Variants in BTBD1 observed in about 807,000 individuals in gnomAD.
The protein encoded by BTBD1 is BTB/POZ domain-containing protein 1.
Under a neutral mutation model 48.0 loss-of-function variants are expected in BTBD1, and 34 were observed. That is an observed-to-expected ratio of 0.71 (90% CI 0.54 to 0.94). BTBD1 has a LOEUF of 0.94. Among genes scored for constraint, BTBD1 ranks in the 40% least tolerant of loss-of-function variants. BTBD1 has a pLI of 0.00. For synonymous variants in BTBD1, 261 were observed against 242.1 expected, an observed-to-expected ratio of 1.08 and a Z score of -0.72; for missense variants, 543 against 625.6, an observed-to-expected ratio of 0.87 and a Z score of 1.41.
intron 3 of BTBD1, among the ~76,000 whole-genome samples, chr15:83,048,232 T>C (rs1336003148): frequency 6.6e-6 from 1 of 152,146 alleles, no homozygotes; most frequent in African/African-American, 2.4e-5. Flanking sequence ...GGTGGTGTTG[T>C]TAAGGAAGAC....
intron 4 of BTBD1, among the ~76,000 whole-genome samples, chr15:83,032,321 C>CAA (rs556487520): frequency 7.6e-6 from 1 of 130,764 alleles, no homozygotes; most frequent in Non-Finnish European, 1.7e-5. Flanking sequence ...ACTCTGTCTC[C>CAA]AAAAAAAAAA....
intron 3 of BTBD1, 27 bp from the exon 4 acceptor site, chr15:83,041,952 A>C: frequency 6.3e-7 from 1 of 1,599,658 alleles, no homozygotes; most frequent in Non-Finnish European, 8.6e-7. Context: ...AAATAAACCC[A>C]ATTAGAAATA....
intron 3 of BTBD1, among the ~76,000 whole-genome samples, chr15:83,045,041 C>G (rs928753392): frequency 2.0e-5 from 3 of 151,972 alleles, no homozygotes; most frequent in Non-Finnish European, 4.4e-5. Flanking sequence ...TCTAAAGAAC[C>G]TAGATAAAAC....
chr15:83,050,692 C>A (rs901819047), intron 2 of BTBD1, among the ~76,000 whole-genome samples: 3 of 152,040 alleles, frequency 2.0e-5, no homozygotes, highest in Admixed American at 2.0e-4. Context: ...ATTTTCTCTT[C>A]CATTGCCTGT....
rs1263604819 is a variant in BTBD1, at chr15:83,016,917, ATACCT to A, written c.*1145_*1149del. The A allele has an allele frequency of 6.6e-6, 1 of 152,316 alleles. No individual in the cohort carries two copies. The highest frequency in any genetic ancestry group is 1.5e-5 in the Non-Finnish European group (1 of 68,046). The allele number at this position is 152,316 out of a possible 1,614,324, so 9.4% of individuals were successfully genotyped here. On this transcript the variant is annotated 3_prime_UTR_variant, in exon 8 of 8. Transcript: ENST00000261721. ...TAATCACCTTCCACAACGATTTGAT[ATACCT>A]TAAACTCCACTTTCATTTTTTATAA...
intron 4 of BTBD1, among the ~76,000 whole-genome samples, chr15:83,037,601 T>C (rs757921059): frequency 8.5e-5 from 13 of 152,152 alleles, no homozygotes; most frequent in Non-Finnish European, 1.6e-4. Flanking sequence ...GGGCAAAAGC[T>C]AGAGGCATTC....
At position 83,020,693 on chromosome 15, in the gene BTBD1, A is replaced by T; in HGVS notation, c.1125T>A (p.Asp375Glu). 6.3e-7 allele frequency: 1 copy of T among 1,597,952 alleles called. No individual in the cohort carries two copies. Among genetic ancestry groups the T allele is most frequent in the Middle Eastern group, 1.7e-4 (1 of 6,028 alleles). Reference protein sequence around the residue: ...GLYGSIHGPTDYQVNIQIIEY... With the variant: ...GLYGSIHGPTEYQVNIQIIEY... ...ACTGTACCTGTATATTCACTTGATA[A>T]TCTGTAGGGCCATGAATAGATCCAT... The change falls in exon 6 of 8, where the codon GAT becomes GAA. Residue 375 changes from aspartate to glutamate, a missense_variant. Transcript: ENST00000261721.
chr15:83,025,908 T>C (rs2032396726), intron 5 of BTBD1, among the ~76,000 whole-genome samples: 1 of 152,124 alleles, frequency 6.6e-6, no homozygotes, highest in Admixed American at 6.5e-5. Flanking sequence ...TAGCTGGGAC[T>C]ACAGGTGCCC....
At chr15:83,049,925 A>C in intron 3 of BTBD1, 148 bp downstream of exon 3, 1 of 502,630 alleles carries the variant, frequency 2.0e-6, no homozygotes. Flanking sequence ...AAATATTTTC[A>C]CCAAAACAAA....
intron 1 of BTBD1, 110 bp from the exon 2 acceptor site, chr15:83,056,655 T>C: frequency 1.0e-6 from 1 of 957,214 alleles, no homozygotes; most frequent in South Asian, 1.7e-5. Flanking sequence ...TTTTATGTTT[T>C]CATCCATCCA....
intron 4 of BTBD1, among the ~76,000 whole-genome samples, chr15:83,032,304 C>A (rs1413333639): frequency 6.6e-6 from 1 of 151,508 alleles, no homozygotes; most frequent in African/African-American, 2.4e-5. Context: ...CTGGGCAACA[C>A]AGCGAGACTC....
intron 1 of BTBD1, among the ~76,000 whole-genome samples, chr15:83,057,174 A>G (rs962700167): frequency 6.6e-6 from 1 of 152,194 alleles, no homozygotes; most frequent in African/African-American, 2.4e-5. Flanking sequence ...CCTGCATTTT[A>G]ATAAGAAAAC....
intron 5 of BTBD1, among the ~76,000 whole-genome samples, chr15:83,025,796 G>A (rs182647852): frequency 9.2e-5 from 14 of 151,636 alleles, no homozygotes; most frequent in Admixed American, 7.9e-4. Flanking sequence ...TTGAGATGGA[G>A]TCTCACTCTG....
At chr15:83,032,528 C>T (rs2032537200) in intron 4 of BTBD1, among the ~76,000 whole-genome samples, 1 of 152,114 alleles carries the variant, frequency 6.6e-6, no homozygotes. Flanking sequence ...ATACATACAC[C>T]ATGGAATACT....
intron 1 of BTBD1, among the ~76,000 whole-genome samples, chr15:83,062,065 A>C (rs768816505): frequency 6.6e-6 from 1 of 152,212 alleles, no homozygotes. Flanking sequence ...CACTAAAACA[A>C]GAAAAAGGCC....
intron 1 of BTBD1, among the ~76,000 whole-genome samples, chr15:83,059,572 A>C (rs1033501416): frequency 2.0e-5 from 3 of 152,060 alleles, no homozygotes; most frequent in African/African-American, 7.2e-5. Context: ...CAACAACAAA[A>C]GTTTATAGCT....
chr15:83,064,378 A>G, intron 1 of BTBD1, among the ~76,000 whole-genome samples: 1 of 151,716 alleles, frequency 6.6e-6, no homozygotes, highest in East Asian at 1.9e-4. Flanking sequence ...TGTAAAAATG[A>G]AAAAAAAGTT....
chr15:83,018,591 G>T, intron 7 of BTBD1, 116 bp downstream of exon 7: 2 of 1,185,318 alleles, frequency 1.7e-6, no homozygotes, highest in Non-Finnish European at 2.3e-6. Context: ...TTAGCTCCCA[G>T]CTTCTTTTCC....
intron 5 of BTBD1, among the ~76,000 whole-genome samples, chr15:83,021,716 T>C (rs905718992): frequency 2.0e-5 from 3 of 148,130 alleles, no homozygotes; most frequent in Non-Finnish European, 3.0e-5. Context: ...CACTCCATCC[T>C]GGGTGACAGA....
Sources: allele counts gnomAD v4.1 joint callset (sites outside exome capture counted in the v4.1 genomes callset), GRCh38; gene constraint gnomAD v4.1.1; transcripts MANE v1.5; gene names NCBI Gene and HGNC (gene_info 2026-07-23, HGNC 2026-07-21).